The following PLEKHD1 variants were observed in gnomAD, a reference collection of about 807,000 sequenced individuals.
PLEKHD1 encodes pleckstrin homology and coiled-coil domain containing D1, also known as pleckstrin homology domain-containing family D member 1.
Under a neutral mutation model 69.2 loss-of-function variants are expected in PLEKHD1, and 51 were observed. That is an observed-to-expected ratio of 0.74 (90% CI 0.59 to 0.93). The LOEUF is 0.93. PLEKHD1 is among the 40% of genes least tolerant of loss of function. PLEKHD1 has a pLI of 0.00. For missense variants in PLEKHD1, 584 were observed against 641.0 expected (o/e 0.91, Z 0.96); for synonymous variants, 236 against 244.7 (o/e 0.96, Z 0.33).
intron 1 of PLEKHD1, among the ~76,000 whole-genome samples, chr14:69,486,100 GC>G (rs1882649248): frequency 6.6e-6 from 1 of 152,156 alleles, no homozygotes; most frequent in Non-Finnish European, 1.5e-5. Context: ...ACCCTGTCCA[GC>G]CCTTCCGCGG....
At chr14:69,470,639 A>C in the PLEKHD1 span, among the ~76,000 whole-genome samples, 2 of 152,190 alleles carry the variant, frequency 1.3e-5, no homozygotes, top group Admixed American at 1.3e-4. Context: ...CCTTGGAAGA[A>C]AGAAAGCATT....
chr14:69,499,066 A>G (rs1882961411), intron 1 of PLEKHD1, among the ~76,000 whole-genome samples: 1 of 152,118 alleles, frequency 6.6e-6, no homozygotes, highest in Admixed American at 6.6e-5. Flanking sequence ...GTAGGATTGG[A>G]CTTGCATGGT....
At position 69,484,847 on chromosome 14, in the gene PLEKHD1, G is replaced by T; in HGVS notation, c.-119G>T. 2.4e-6 allele frequency: 3 copies of T among 1,240,048 alleles called. No individual in the cohort carries two copies. The highest frequency in any genetic ancestry group is 1.5e-5 in the African/African-American group (1 of 66,406). 76.8% of individuals were successfully genotyped at this position (1,240,048 alleles called of 1,614,324 possible). On this transcript the variant is annotated 5_prime_UTR_variant, in exon 1 of 13. Transcript: ENST00000322564. ...TGATGCTGCAGCTCCGGGCCGGGCC[G>T]CTCTGCTTCTCTGCTCGCTGGGACG... is the stretch of plus-strand genomic sequence containing the variant.
upstream of PLEKHD1, among the ~76,000 whole-genome samples, chr14:69,480,423 T>G (rs1348791870): frequency 6.6e-6 from 1 of 152,060 alleles, no homozygotes; most frequent in Non-Finnish European, 1.5e-5. Flanking sequence ...TGGAAACAAG[T>G]AGACACGACG....
chr14:69,511,756 G>T (rs1299832647), intron 6 of PLEKHD1, among the ~76,000 whole-genome samples: 1 of 151,994 alleles, frequency 6.6e-6, no homozygotes, highest in African/African-American at 2.4e-5. Context: ...TCACCATGTT[G>T]GTCAGGCTGG....
the PLEKHD1 span, among the ~76,000 whole-genome samples, chr14:69,479,336 G>A: frequency 6.6e-6 from 1 of 152,204 alleles, no homozygotes; most frequent in Non-Finnish European, 1.5e-5. Flanking sequence ...AAAGTCAGGA[G>A]GTAGGAGCTG....
intron 9 of PLEKHD1, 32 bp from the exon 10 acceptor site, chr14:69,526,665 G>A (rs1883655017): frequency 2.1e-6 from 3 of 1,461,598 alleles, no homozygotes; most frequent in African/African-American, 2.8e-5. Flanking sequence ...TGGCGAGTGA[G>A]CATTGAGAAA....
chr14:69,470,529 T>G, the PLEKHD1 span, among the ~76,000 whole-genome samples: 6 of 152,136 alleles, frequency 3.9e-5, no homozygotes, highest in Non-Finnish European at 8.8e-5. Context: ...TGTGTGCAAT[T>G]CCACCACATC....
intron 6 of PLEKHD1, among the ~76,000 whole-genome samples, chr14:69,514,903 G>A (rs1052756638): frequency 1.3e-5 from 2 of 152,088 alleles, no homozygotes; most frequent in African/African-American, 4.8e-5. Flanking sequence ...TTTATGGCAG[G>A]CTTTGTAAAG....
chr14:69,518,627 G>C (rs1398365131), intron 6 of PLEKHD1, among the ~76,000 whole-genome samples: 5 of 152,192 alleles, frequency 3.3e-5, no homozygotes, highest in Admixed American at 2.0e-4. Flanking sequence ...AATACAATTA[G>C]TTTTACTGAG....
upstream of PLEKHD1, among the ~76,000 whole-genome samples, chr14:69,483,877 G>A (rs1882592898): frequency 6.6e-6 from 1 of 152,222 alleles, no homozygotes; most frequent in African/African-American, 2.4e-5. Context: ...GGGCCCGGCC[G>A]GCATCTCCCT....
At chr14:69,503,823 C>G (rs532548839) in intron 6 of PLEKHD1, 56 of 143,088 alleles carry the variant, frequency 3.9e-4, no homozygotes, top group African/African-American at 1.5e-3. Flanking sequence ...GAGATTGTGC[C>G]ATTGCATTTC....
intron 7 of PLEKHD1, among the ~76,000 whole-genome samples, chr14:69,523,035 T>A (rs1471165302): frequency 1.3e-5 from 2 of 152,114 alleles, no homozygotes; most frequent in Non-Finnish European, 2.9e-5. Flanking sequence ...TGGGTTCAAG[T>A]GATTCTTGTG....
chr14:69,498,584 T>C (rs575090333), intron 1 of PLEKHD1, among the ~76,000 whole-genome samples: 1 of 151,458 alleles, frequency 6.6e-6, no homozygotes, highest in South Asian at 2.1e-4. Context: ...AGGTTTCTTT[T>C]TGTTTTCTCT....
intron 1 of PLEKHD1, among the ~76,000 whole-genome samples, chr14:69,494,444 T>C (rs1882843743): frequency 6.6e-6 from 1 of 152,108 alleles, no homozygotes; most frequent in Non-Finnish European, 1.5e-5. Flanking sequence ...CTATTGACCA[T>C]GGGTTCCAAT....
rs1594970464 is a variant in PLEKHD1 at position 69,484,815 on chromosome 14, C to A, written c.-151C>A. The A allele has an allele frequency of 2.1e-5, 19 of 895,842 alleles. 1 individual carries two copies. In the South Asian group the frequency reaches 3.3e-4, roughly 15 times the overall value. The allele number at this position is 895,842 out of a possible 1,614,324, so 55.5% of individuals were successfully genotyped here. ...CCTTGGTGCCGCGTCCAGTGCCCAG[C>A]GCGCTTTGATGCTGCAGCTCCGGGC... is the stretch of plus-strand genomic sequence containing the variant. On this transcript the variant is annotated 5_prime_UTR_variant, in exon 1 of 13. Coordinates refer to ENST00000322564, the MANE Select transcript of PLEKHD1 (RefSeq NM_001161498.2).
chr14:69,517,895 T>C (rs971390035), intron 6 of PLEKHD1, among the ~76,000 whole-genome samples: 3 of 152,222 alleles, frequency 2.0e-5, no homozygotes, highest in Admixed American at 2.0e-4. Context: ...CATGTCCCTG[T>C]CCTGCATATC....
intron 12 of PLEKHD1, 113 bp from the exon 13 acceptor site, chr14:69,528,137 G>T: frequency 1.4e-6 from 2 of 1,432,610 alleles, no homozygotes; most frequent in Non-Finnish European, 1.9e-6. Flanking sequence ...GAAGGGGCTG[G>T]AAGAAGCTTG....
intron 6 of PLEKHD1, among the ~76,000 whole-genome samples, chr14:69,519,353 G>A (rs1323138269): frequency 6.6e-6 from 1 of 151,992 alleles, no homozygotes; most frequent in African/African-American, 2.4e-5. Context: ...GGAAAACCAA[G>A]CAGGAGACTG....
Sources: gnomAD v4.1 joint callset for allele counts (sites outside exome capture counted in the v4.1 genomes callset) on GRCh38, gnomAD v4.1.1 for gene constraint, MANE v1.5 for transcripts, NCBI Gene and HGNC (gene_info 2026-07-23, HGNC 2026-07-21) for gene names.